Variants in DRP2 observed in about 807,000 individuals in gnomAD.
DRP2 encodes the protein dystrophin related protein 2.
In DRP2, 29 loss-of-function variants were observed where a neutral mutation model predicts 78.2. The ratio of observed to expected loss-of-function variants is 0.37; its 90% CI spans 0.28 to 0.51. The LOEUF (loss-of-function observed/expected upper bound fraction) is 0.51, where lower values mean the gene tolerates loss of function less well. Among genes scored for constraint, DRP2 ranks in the 20% least tolerant of loss-of-function variants. DRP2 has a pLI of 0.94. For missense variants in DRP2, 686 were observed against 770.6 expected (o/e 0.89, Z 1.30); for synonymous variants, 290 against 281.9 (o/e 1.03, Z -0.29).
rs140021383 is a variant in DRP2, at chrX:101,237,632, G to C, written c.295G>C (p.Ala99Pro). 1.9e-5 allele frequency: 21 copies of C among 1,128,989 alleles called. No homozygotes were observed. Among genetic ancestry groups the C allele is most frequent in the Non-Finnish European group, 2.4e-5 (20 of 844,925 alleles). The allele number at this position is 1,128,989 out of a possible 1,213,427, so 93.0% of individuals were successfully genotyped here. A position where few individuals can be genotyped will look rare whatever the true frequency, so the allele number is the denominator to read the frequency against. The change falls in exon 5 of 24, where the codon GCC becomes CCC. Residue 99 changes from alanine (A) to proline (P), a missense_variant. Physicochemically the swap from Ala to Pro is conservative, Grantham distance 27. Transcript: ENST00000395209. ...KSHNLRARLEAFSDHSGKLQL... is the reference protein window; with the variant it reads ...KSHNLRARLEPFSDHSGKLQL... The stretch of plus-strand genomic sequence containing the variant: ...CATTGTGTGCAGCGCTCGCCTAGAG[G>C]CCTTCTCAGACCACAGTGGAAAGCT...
intron 4 of DRP2, among the ~76,000 whole-genome samples, chrX:101,236,374 A>C (rs1922506294): frequency 8.9e-6 from 1 of 112,024 alleles, no homozygotes; most frequent in South Asian, 3.7e-4. Context: ...ATGCTTTCTA[A>C]ACTTAAAAAT....
intron 10 of DRP2, 114 bp downstream of exon 10, chrX:101,245,191 C>A: frequency 1.2e-6 from 1 of 865,224 alleles, no homozygotes; most frequent in Non-Finnish European, 1.7e-6. Context: ...CCATCCAGTT[C>A]GGTTTTTCTC....
intron 9 of DRP2, among the ~76,000 whole-genome samples, chrX:101,244,165 A>G (rs764765627): frequency 1.8e-5 from 2 of 111,283 alleles, no homozygotes; most frequent in South Asian, 7.8e-4. Context: ...CAGGGTGTTG[A>G]GAAGAGACTA....
Position 101,237,622 on chromosome X carries a change from T to C in DRP2, c.285T>C (p.Ala95=), listed in dbSNP as rs1297413150. Residue 95 remains alanine (A), a synonymous_variant, in exon 5 of 24, where the codon GCT becomes GCC. Transcript: ENST00000395209. ...TGGTTTTACTCATTGTGTGCAGCGC[T>C]CGCCTAGAGGCCTTCTCAGACCACA... The part of the protein sequence containing the change: ...EIKKKSHNLR[A]RLEAFSDHSG... 9.1e-7 allele frequency: 1 copy of C among 1,104,140 alleles called. No individual in the cohort carries two copies. The highest frequency in any genetic ancestry group is 1.2e-6 in the Non-Finnish European group (1 of 832,308). 91.0% of individuals were successfully genotyped at this position (1,104,140 alleles called of 1,213,427 possible). A position where few individuals can be genotyped will look rare whatever the true frequency, so the allele number is the denominator to read the frequency against.
rs1923434177 is a variant in DRP2 at position 101,258,493 on chromosome X, CACA to C, written c.2580_2582del (p.Asn860del). The C allele has an allele frequency of 8.4e-7, 1 of 1,190,589 alleles. No homozygotes were observed. The highest frequency in any genetic ancestry group is 1.8e-5 in the African/African-American group (1 of 56,839). ...GACGCGCATGCAGATCCTCGAAGAT[CACA>C]ACAAGCAGCTAGAGTCCCAGCTGCA... On this transcript the variant is annotated inframe_deletion, in exon 22 of 24. Transcript: ENST00000395209.
At chrX:101,249,644 T>C (rs1436832037) in intron 14 of DRP2, among the ~76,000 whole-genome samples, 2 of 111,462 alleles carry the variant, frequency 1.8e-5, no homozygotes, top group Non-Finnish European at 3.8e-5. Flanking sequence ...GACTTACCTA[T>C]GATTCTACAA....
At chrX:101,238,379 C>T (rs745573274) in intron 5 of DRP2, among the ~76,000 whole-genome samples, 3 of 109,120 alleles carry the variant, frequency 2.7e-5, no homozygotes, top group East Asian at 5.7e-4. Context: ...GAAAAAAAGC[C>T]GGATACAAAA....
In DRP2 at chrX:101,250,992, C is replaced by A. The variant is rs1923123010; in HGVS notation, c.1774C>A (p.Leu592Met). 1 of 1,210,219 alleles carries A rather than the reference C, an allele frequency of 8.3e-7. No individual in the cohort carries two copies. Among genetic ancestry groups the A allele is most frequent in the African/African-American group, 1.7e-5 (1 of 57,189 alleles). Residue 592 changes from leucine (L) to methionine (M), a missense_variant, in exon 16 of 24, where the codon CTG becomes ATG. Transcript: ENST00000395209. The stretch of plus-strand genomic sequence containing the variant: ...CCTGGAGCCCCAGTCCATGGTGTGG[C>A]TGGCTGTTCTGCATCGGGTCACCAT... ...VNLEPQSMVW[L>M]AVLHRVTIAE...
chrX:101,255,376 G>A (rs1923301243), intron 20 of DRP2, 127 bp downstream of exon 20: 1 of 661,790 alleles, frequency 1.5e-6, no homozygotes, highest in Admixed American at 2.9e-5. Context: ...GCTCCCTAAG[G>A]AAGGAAGGCT....
rs753211359 is a variant in DRP2, at chrX:101,241,726, G to A, written c.618G>A (p.Thr206=). The A allele has an allele frequency of 9.1e-6, 11 of 1,209,937 alleles. No individual in the cohort carries two copies. Among genetic ancestry groups the A allele is most frequent in the South Asian group, 7.0e-5 (4 of 56,822 alleles). Residue 206 remains threonine, a synonymous_variant, in exon 7 of 24, where the codon ACG becomes ACA. Coordinates refer to ENST00000395209, the MANE Select transcript of DRP2 (RefSeq NM_001939.3). ...NLSRFVWKQA[T]VASELWEKLT... Reference sequence around the variant, plus strand: ...GCCGCTTTGTATGGAAGCAGGCGACGGTGGCCAGTGAACTGTGGGAGAAGT... The same window carrying A: ...GCCGCTTTGTATGGAAGCAGGCGACAGTGGCCAGTGAACTGTGGGAGAAGT...
intron 9 of DRP2, among the ~76,000 whole-genome samples, chrX:101,244,666 A>G (rs771385205): frequency 1.8e-5 from 2 of 112,461 alleles, no homozygotes; most frequent in Admixed American, 9.4e-5. Context: ...CATATCCGCA[A>G]GAGTAATCCA....
Position 101,256,328 on chromosome X carries a change from C to T in DRP2, c.2390+67C>T, listed in dbSNP as rs906218010. The T allele has an allele frequency of 1.7e-4, 170 of 1,017,354 alleles. 1 individual carries two copies. Among genetic ancestry groups the T allele is most frequent in the Non-Finnish European group, 2.1e-4 (162 of 757,987 alleles). 83.8% of individuals were successfully genotyped at this position (1,017,354 alleles called of 1,213,427 possible). A position where few individuals can be genotyped will look rare whatever the true frequency, so the allele number is the denominator to read the frequency against. On this transcript the variant is annotated intron_variant, in intron 21 of 23. Coordinates refer to ENST00000395209, the MANE Select transcript of DRP2 (RefSeq NM_001939.3). ...CAGACAGATTGAATTTAAGTCCAGG[C>T]ACTTCTACATCCTAGCTGTCTGACC...
At chrX:101,238,369 G>A (rs1284835740) in intron 5 of DRP2, among the ~76,000 whole-genome samples, 1 of 109,869 alleles carries the variant, frequency 9.1e-6, no homozygotes, top group African/African-American at 3.3e-5. Context: ...TATGTTGAGT[G>A]AAAAAAAGCC....
rs1922640271 is a variant in DRP2 at position 101,239,467 on chromosome X, G to A, written c.559+366G>A. Among the ~76,000 whole-genome samples the A allele has an allele frequency of 5.3e-5, 6 of 112,301 alleles. No homozygotes were observed. In the South Asian group the frequency reaches 2.2e-3, roughly 41 times the overall value. The stretch of plus-strand genomic sequence containing the variant: ...CCTTTAAAAACATAGTGCTGGCTGG[G>A]CACAGTGGCTCATGTCTGTAATTCC... On this transcript the variant is annotated intron_variant, in intron 6 of 23. Coordinates refer to ENST00000395209, the MANE Select transcript of DRP2 (RefSeq NM_001939.3).
intron 14 of DRP2, among the ~76,000 whole-genome samples, chrX:101,249,680 G>A (rs991190348): frequency 1.8e-5 from 2 of 111,553 alleles, no homozygotes; most frequent in African/African-American, 6.5e-5. Flanking sequence ...CCCAAAACTC[G>A]AACCTAGGCT....
rs1203308817 is a variant in DRP2 at position 101,242,473 on chromosome X, T to A, written c.975+2T>A. The A allele has an allele frequency of 8.3e-7, 1 of 1,206,910 alleles. No homozygotes were observed. The highest frequency in any genetic ancestry group is 3.0e-5 in the East Asian group (1 of 33,745). On this transcript the variant is annotated splice_donor_variant, in intron 8 of 23. Coordinates refer to ENST00000395209, the MANE Select transcript of DRP2 (RefSeq NM_001939.3). LOFTEE classifies it high-confidence loss of function. ...AACGTCCGATGGAAACAACTACAGG[T>A]AGAAGAGCAGCCTGGAGTGAACCAT...
Position 101,260,733 on chromosome X carries a change from TA to T in DRP2, c.*113del. The T allele has an allele frequency of 1.0e-6, 1 of 991,796 alleles. No individual in the cohort carries two copies. The highest frequency in any genetic ancestry group is 1.4e-6 in the Non-Finnish European group (1 of 737,281). 81.7% of individuals were successfully genotyped at this position (991,796 alleles called of 1,213,427 possible). On this transcript the variant is annotated 3_prime_UTR_variant, in exon 24 of 24. Transcript: ENST00000395209. ...TTCCACTGGCCCCACATTCCTCAAC[TA>T]GTATTATTTGGGCTCTGGGCAGCAG... is the stretch of plus-strand genomic sequence containing the variant.
Position 101,224,187 on chromosome X carries a change from TTTTG to T in DRP2, c.-166-413_-166-410del, listed in dbSNP as rs1200605710. Among the ~76,000 whole-genome samples, 74 of 67,231 alleles carry T rather than the reference TTTTG, an allele frequency of 1.1e-3. 4 individuals carry two copies. Among genetic ancestry groups the T allele is most frequent in the East Asian group, 7.6e-3 (21 of 2,755 alleles). 58.4% of individuals were successfully genotyped at this position (67,231 alleles called of 115,157 possible). On this transcript the variant is annotated intron_variant, in intron 1 of 23. Coordinates refer to ENST00000395209, the MANE Select transcript of DRP2 (RefSeq NM_001939.3). ...GAATAATAAATGTTTGCTGGGTTTT[TTTTG>T]TTTTTTTTTTTTTTTTTTTTTTTTT...
At chrX:101,226,556 G>T (rs1356008543) in intron 2 of DRP2, among the ~76,000 whole-genome samples, 1 of 111,464 alleles carries the variant, frequency 9.0e-6, no homozygotes, top group Non-Finnish European at 1.9e-5. Context: ...GAGAAACAAT[G>T]CCTTCCCACT....
Sources: gnomAD v4.1 joint callset for allele counts (sites outside exome capture counted in the v4.1 genomes callset) on GRCh38, gnomAD v4.1.1 for gene constraint, MANE v1.5 for transcripts, NCBI Gene and HGNC (gene_info 2026-07-23, HGNC 2026-07-21) for gene names.